The following TDRD5 variants were observed in gnomAD, a reference collection of about 807,000 sequenced individuals.
The protein encoded by TDRD5 is tudor domain containing 5, also known as tudor domain-containing protein 5.
TDRD5 carries 41 observed loss-of-function variants against 120.6 expected under a neutral mutation model. The ratio of observed to expected loss-of-function variants is 0.34; its 90% CI spans 0.26 to 0.44. The LOEUF (loss-of-function observed/expected upper bound fraction) is 0.44. Among genes scored for constraint, TDRD5 ranks in the 20% least tolerant of loss-of-function variants. The pLI is 1.00. For synonymous variants in TDRD5, 430 were observed against 433.7 expected, an observed-to-expected ratio of 0.99 and a Z score of 0.11; for missense variants, 1,006 against 1,221.2, an observed-to-expected ratio of 0.82 and a Z score of 2.63.
intron 13 of TDRD5, among the ~76,000 whole-genome samples, 182 bp from the exon 14 acceptor site, chr1:179,654,019 A>G (rs1400473501): frequency 6.6e-6 from 1 of 152,186 alleles, no homozygotes; most frequent in Non-Finnish European, 1.5e-5. Context: ...GGTTCAATAA[A>G]TGTTCATTGG....
Position 179,690,811 on chromosome 1 carries a change from T to C in TDRD5, c.2976T>C (p.Tyr992=), listed in dbSNP as rs185187938. ...SVDQLSLILS[Y]ECQISQKLYI... is the part of the protein sequence containing the mutation. ...ACCAGCTGTCTTTGATTTTGTCTTA[T>C]GAGTGCCAGATTTCTCAGAAGCTCT... Residue 992 remains tyrosine (Y), a synonymous_variant, in exon 18 of 18, where the codon TAT becomes TAC. Transcript: ENST00000444136. The C allele has an allele frequency of 1.9e-6, 3 of 1,614,254 alleles. No homozygotes were observed. Among genetic ancestry groups the C allele is most frequent in the Admixed American group, 1.7e-5 (1 of 60,032 alleles).
chr1:179,646,598 G>A (rs963751372), intron 11 of TDRD5, among the ~76,000 whole-genome samples: 1 of 147,896 alleles, frequency 6.8e-6, no homozygotes, highest in Non-Finnish European at 1.5e-5. Context: ...TGGAAGTTCC[G>A]GCCAGGGCAA....
chr1:179,614,599 TC>T (rs1396866322), intron 4 of TDRD5, among the ~76,000 whole-genome samples: 1 of 152,142 alleles, frequency 6.6e-6, no homozygotes, highest in Non-Finnish European at 1.5e-5. Flanking sequence ...CAGTTGACAC[TC>T]ACATAGATTG....
intron 5 of TDRD5, among the ~76,000 whole-genome samples, chr1:179,620,677 G>T (rs1676793083): frequency 6.6e-6 from 1 of 151,712 alleles, no homozygotes; most frequent in South Asian, 2.1e-4. Context: ...AATGTTTATT[G>T]CATTTCTTTT....
intron 14 of TDRD5, among the ~76,000 whole-genome samples, chr1:179,655,486 G>T (rs1678953986): frequency 6.6e-6 from 1 of 151,484 alleles, no homozygotes; most frequent in South Asian, 2.1e-4. Flanking sequence ...TGACTGTTTT[G>T]GTGTACTATT....
At chr1:179,681,432 A>C (rs1680414705) in intron 17 of TDRD5, among the ~76,000 whole-genome samples, 1 of 152,190 alleles carries the variant, frequency 6.6e-6, no homozygotes, top group Non-Finnish European at 1.5e-5. Context: ...GGATATCAAA[A>C]ATATCCAGTT....
At chr1:179,629,882 G>C (rs1391149989) in intron 6 of TDRD5, among the ~76,000 whole-genome samples, 2 of 151,802 alleles carry the variant, frequency 1.3e-5, no homozygotes, top group Admixed American at 6.6e-5. Context: ...ATTGTCTTCT[G>C]TCTTCATTTG....
chr1:179,684,155 G>A (rs182441234), intron 17 of TDRD5, among the ~76,000 whole-genome samples: 6 of 152,000 alleles, frequency 3.9e-5, no homozygotes, highest in Admixed American at 6.5e-5. Flanking sequence ...CCATTAACTC[G>A]TCATTTACAT....
upstream of TDRD5, chr1:179,591,748 C>G (rs1446235506): frequency 1.3e-5 from 2 of 152,416 alleles, no homozygotes; most frequent in African/African-American, 4.8e-5. Flanking sequence ...CTAATCCTGC[C>G]CAACCGTCCC....
At chr1:179,648,986 A>G (rs1460099268) in intron 11 of TDRD5, among the ~76,000 whole-genome samples, 2 of 152,166 alleles carry the variant, frequency 1.3e-5, no homozygotes, top group Admixed American at 1.3e-4. Context: ...TGGATTTACT[A>G]AGTATAGAAT....
intron 5 of TDRD5, among the ~76,000 whole-genome samples, chr1:179,619,048 A>C (rs1676709223): frequency 6.6e-6 from 1 of 152,156 alleles, no homozygotes; most frequent in South Asian, 2.1e-4. Context: ...TTTCATGTAG[A>C]GATCCATGAT....
At chr1:179,640,273 T>A (rs1207784402) in intron 10 of TDRD5, 106 bp from the exon 11 acceptor site, 1 of 1,279,814 alleles carries the variant, frequency 7.8e-7, no homozygotes, top group Non-Finnish European at 1.1e-6. Context: ...GACGATGAGA[T>A]TACGTTTTAG....
chr1:179,659,043 C>T (rs1679148508), intron 14 of TDRD5, among the ~76,000 whole-genome samples: 1 of 151,988 alleles, frequency 6.6e-6, no homozygotes, highest in Non-Finnish European at 1.5e-5. Context: ...TGTTTAATTT[C>T]CAAGTGTTTG....
At chr1:179,640,097 C>T in intron 10 of TDRD5, 46 bp downstream of exon 10, 2 of 1,593,366 alleles carry the variant, frequency 1.3e-6, no homozygotes, top group Middle Eastern at 1.7e-4. Flanking sequence ...AATTTTGAAT[C>T]ACAGTGTTGA....
At chr1:179,600,491 CATTCTATGTTTGTACAACAAT>C (rs1484499053) in intron 4 of TDRD5, among the ~76,000 whole-genome samples, 1 of 152,146 alleles carries the variant, frequency 6.6e-6, no homozygotes, top group Non-Finnish European at 1.5e-5. Flanking sequence ...GTGTTACGTA[CATTCTATGTTTGTACAACAAT>C]GAAATCACCT....
At chr1:179,593,949 T>C in intron 3 of TDRD5, 82 bp downstream of exon 3, 1 of 1,504,376 alleles carries the variant, frequency 6.6e-7, no homozygotes, top group Non-Finnish European at 8.9e-7. Flanking sequence ...TCGTTAGAGT[T>C]GAAGCCTGGC....
At position 179,654,255 on chromosome 1, in the gene TDRD5, C is replaced by A; in HGVS notation, c.2215C>A (p.Pro739Thr). 6.5e-7 allele frequency: 1 copy of A among 1,548,126 alleles called. No homozygotes were observed. The highest frequency in any genetic ancestry group is 8.7e-7 in the Non-Finnish European group (1 of 1,145,616). Residue 739 changes from proline to threonine, a missense_variant, in exon 14 of 18, where the codon CCA (proline) becomes ACA (threonine). This residue lies in a region of TDRD5 where 403 missense variants were observed against 448.1 expected (regional missense o/e 0.90). Coordinates refer to ENST00000444136, the MANE Select transcript of TDRD5 (RefSeq NM_001199085.3). ...LSHLKSESKE[P>T]LKDSEFESLK... ...TCATCTTAAATCTGAGTCAAAGGAG[C>A]CATTAAAGGATTCTGAATTTGAGTC... is the stretch of plus-strand genomic sequence containing the variant.
intron 4 of TDRD5, among the ~76,000 whole-genome samples, chr1:179,613,226 G>A (rs1157401681): frequency 6.6e-6 from 1 of 152,126 alleles, no homozygotes; most frequent in Admixed American, 6.5e-5. Flanking sequence ...CTCAACTGTA[G>A]TTCAAGAGTA....
At chr1:179,632,326 C>T (rs1002927851) in intron 7 of TDRD5, among the ~76,000 whole-genome samples, 9 of 151,850 alleles carry the variant, frequency 5.9e-5, no homozygotes, top group East Asian at 1.9e-4. Flanking sequence ...GGCAACACCT[C>T]GCAAAACTAG....
Sources: allele counts gnomAD v4.1 joint callset (sites outside exome capture counted in the v4.1 genomes callset), GRCh38; gene constraint gnomAD v4.1.1; regional missense constraint gnomAD v4.1.1; transcripts MANE v1.5; gene names NCBI Gene and HGNC (gene_info 2026-07-23, HGNC 2026-07-21).